Variants in TCF7L2 observed in about 807,000 individuals in gnomAD.
TCF7L2 encodes the protein transcription factor 7 like 2.
In TCF7L2, 23 loss-of-function variants were observed where a neutral mutation model predicts 77.9. That is an observed-to-expected ratio of 0.30 (90% confidence interval 0.21 to 0.42). The LOEUF (loss-of-function observed/expected upper bound fraction) is 0.42. Among genes scored for constraint, TCF7L2 ranks in the 10% least tolerant of loss-of-function variants. The pLI, the probability that TCF7L2 is intolerant of heterozygous loss-of-function variation, is 1.00. For synonymous variants in TCF7L2, 413 were observed against 340.2 expected (o/e 1.21, Z -2.36); for missense variants, 654 against 793.1 (o/e 0.82, Z 2.11).
chr10:112,962,091 T>C (rs980792973), intron 3 of TCF7L2, among the ~76,000 whole-genome samples: 2 of 152,064 alleles, frequency 1.3e-5, no homozygotes, highest in Non-Finnish European at 2.9e-5. Flanking sequence ...CAAGTGAAAA[T>C]TGAATTTGGA....
intron 4 of TCF7L2, among the ~76,000 whole-genome samples, chr10:113,005,459 G>A (rs1258895419): frequency 6.6e-6 from 1 of 152,142 alleles, no homozygotes; most frequent in Non-Finnish European, 1.5e-5. Flanking sequence ...CTACTCTGAG[G>A]TTCATTGTGG....
intron 5 of TCF7L2, among the ~76,000 whole-genome samples, chr10:113,055,958 T>C (rs1271511994): frequency 6.6e-6 from 1 of 152,216 alleles, no homozygotes; most frequent in African/African-American, 2.4e-5. Flanking sequence ...AAGGGGTTGA[T>C]TTGTAAACTA....
chr10:113,041,464 G>A (rs1049543667), intron 5 of TCF7L2, among the ~76,000 whole-genome samples: 12 of 152,198 alleles, frequency 7.9e-5, no homozygotes, highest in Non-Finnish European at 4.4e-5. Flanking sequence ...ATTGCCCAAT[G>A]TCACACGCTG....
chr10:113,017,904 A>T (rs1414018234), intron 4 of TCF7L2, among the ~76,000 whole-genome samples: 1 of 152,202 alleles, frequency 6.6e-6, no homozygotes, highest in Admixed American at 6.5e-5. Context: ...GAGCGGGCAG[A>T]TGTAAACCTG....
chr10:113,073,920 C>T (rs552135026), intron 5 of TCF7L2, among the ~76,000 whole-genome samples: 4 of 152,278 alleles, frequency 2.6e-5, no homozygotes, highest in African/African-American at 4.8e-5. Context: ...AATGATGATA[C>T]GTTATAGCAT....
chr10:113,086,123 A>G (rs1477896607), intron 5 of TCF7L2, among the ~76,000 whole-genome samples: 1 of 152,216 alleles, frequency 6.6e-6, no homozygotes, highest in Non-Finnish European at 1.5e-5. Context: ...TCATGTCAGG[A>G]GCATGAAACT....
At chr10:113,152,277 T>C in intron 10 of TCF7L2, 56 bp from the exon 11 acceptor site, 1 of 1,462,544 alleles carries the variant, frequency 6.8e-7, no homozygotes, top group Non-Finnish European at 9.6e-7. Context: ...GTGATGTTCT[T>C]TCATGCTTTT....
At chr10:113,119,257 C>A (rs1009589910) in intron 5 of TCF7L2, among the ~76,000 whole-genome samples, 27 of 152,118 alleles carry the variant, frequency 1.8e-4, no homozygotes, top group Non-Finnish European at 3.7e-4. Flanking sequence ...TCTCATTTTT[C>A]CCCCCTTACC....
intron 5 of TCF7L2, among the ~76,000 whole-genome samples, chr10:113,103,515 G>T (rs2061908476): frequency 6.6e-6 from 1 of 152,152 alleles, no homozygotes; most frequent in Non-Finnish European, 1.5e-5. Flanking sequence ...ATTAACAGGG[G>T]GCTTTAAAGA....
rs748602828 is a variant in TCF7L2, at chr10:113,165,888, G to C, written c.1725G>C (p.Pro575=). Reference sequence around the variant, plus strand: ...CCCCCTCCTCATCAATTGCACAGCCGTCGACTTCTTCCTTACATTCCCACA... The same window carrying C: ...CCCCCTCCTCATCAATTGCACAGCCCTCGACTTCTTCCTTACATTCCCACA... Residue 575 remains proline (P), a synonymous_variant, in exon 14 of 14, where the codon CCG becomes CCC. Coordinates refer to ENST00000627217, the MANE Select transcript of TCF7L2 (RefSeq NM_001146274.2). The C allele has an allele frequency of 6.2e-7, 1 of 1,602,534 alleles. No homozygotes were observed. The highest frequency in any genetic ancestry group is 1.1e-5 in the South Asian group (1 of 90,036).
chr10:113,137,013 C>G (rs2067514770), intron 5 of TCF7L2, among the ~76,000 whole-genome samples: 1 of 151,872 alleles, frequency 6.6e-6, no homozygotes, highest in Non-Finnish European at 1.5e-5. Context: ...ATGATCATCT[C>G]CACCTGCCTT....
Position 113,001,509 on chromosome 10 carries a change from A to AT in TCF7L2, c.450+36896dup, listed in dbSNP as rs541802706. 8.4e-3 allele frequency among the ~76,000 whole-genome samples: 1,224 copies of AT among 146,402 alleles called. 18 individuals carry two copies. The highest frequency in any genetic ancestry group is 0.027 in the South Asian group (123 of 4,594). On this transcript the variant is annotated intron_variant, in intron 4 of 13. Coordinates refer to ENST00000627217, the MANE Select transcript of TCF7L2 (RefSeq NM_001146274.2). The stretch of plus-strand genomic sequence containing the variant: ...GCCTTAGTGTTCAATCATTAAGTGG[A>AT]TTTTTTTTTTTCCCTTCTCTTCTTT...
At chr10:113,017,321 G>T (rs1474740561) in intron 4 of TCF7L2, among the ~76,000 whole-genome samples, 1 of 152,190 alleles carries the variant, frequency 6.6e-6, no homozygotes, top group Non-Finnish European at 1.5e-5. Context: ...GATGCAGGGT[G>T]CTGTGTGGTT....
intron 5 of TCF7L2, among the ~76,000 whole-genome samples, chr10:113,084,957 A>G (rs922247805): frequency 4.0e-5 from 6 of 151,228 alleles, no homozygotes; most frequent in Non-Finnish European, 7.4e-5. Context: ...AATCACCACC[A>G]GAGTTTTCTG....
chr10:112,951,363 T>C (rs2134197199), intron 2 of TCF7L2, 90 bp downstream of exon 2: 1 of 1,004,750 alleles, frequency 1.0e-6, no homozygotes, highest in Non-Finnish European at 1.2e-6. Context: ...CGGCTCGGCC[T>C]GGCCCTGCGC....
At chr10:113,028,148 C>T (rs995293746) in intron 4 of TCF7L2, among the ~76,000 whole-genome samples, 4 of 152,168 alleles carry the variant, frequency 2.6e-5, no homozygotes, top group Admixed American at 6.5e-5. Flanking sequence ...ACAAGGATTA[C>T]CAACAGGGGG....
chr10:113,071,381 G>A (rs567918411), intron 5 of TCF7L2, among the ~76,000 whole-genome samples: 1 of 152,206 alleles, frequency 6.6e-6, no homozygotes, highest in East Asian at 1.9e-4. Flanking sequence ...TTTTTGCTTT[G>A]AGGGTCCACT....
intron 5 of TCF7L2, among the ~76,000 whole-genome samples, chr10:113,063,455 T>C (rs961969652): frequency 1.1e-4 from 17 of 151,876 alleles, no homozygotes; most frequent in Non-Finnish European, 2.1e-4. Flanking sequence ...GGTGAATGGA[T>C]TGAGATTGTG....
At chr10:113,165,051 ACACACACTCACACT>A (rs139772706) in intron 13 of TCF7L2, among the ~76,000 whole-genome samples, 1 of 152,030 alleles carries the variant, frequency 6.6e-6, no homozygotes, top group Non-Finnish European at 1.5e-5. Context: ...TTTTAAACAC[ACACACACTCACACT>A]CACACACTCA....
Sources: allele counts gnomAD v4.1 joint callset (sites outside exome capture counted in the v4.1 genomes callset), GRCh38; gene constraint gnomAD v4.1.1; transcripts MANE v1.5; gene names NCBI Gene and HGNC (gene_info 2026-07-23, HGNC 2026-07-21).